The following ANGPT1 variants were observed in gnomAD, a reference collection of about 807,000 sequenced individuals.
ANGPT1 encodes angiopoietin 1, also known as angiopoietin-1.
A neutral mutation model predicts 62.2 loss-of-function variants in ANGPT1; 17 were observed. The observed-to-expected ratio is 0.27, with a 90% confidence interval of 0.19 to 0.41. ANGPT1 has a LOEUF of 0.41. Ranked by LOEUF, ANGPT1 falls within the 10% of genes least tolerant of loss-of-function variation. The pLI is 1.00. For synonymous variants in ANGPT1, 199 were observed against 198.9 expected, an observed-to-expected ratio of 1.00 and a Z score of 0.00; for missense variants, 478 against 594.9, an observed-to-expected ratio of 0.80 and a Z score of 2.04.
At chr8:107,494,473 G>C (rs1180702059) in intron 1 of ANGPT1, 1 of 152,084 alleles carries the variant, frequency 6.6e-6, no homozygotes, top group Non-Finnish European at 1.5e-5. Context: ...AACACACCCA[G>C]GTGTTTCACA....
At chr8:107,323,724 G>A (rs1323111808) in intron 3 of ANGPT1, among the ~76,000 whole-genome samples, 2 of 152,012 alleles carry the variant, frequency 1.3e-5, no homozygotes, top group Admixed American at 1.3e-4. Context: ...TTTATGACAT[G>A]GTTGCTATGT....
At chr8:107,424,172 T>A (rs1184002323) in intron 1 of ANGPT1, among the ~76,000 whole-genome samples, 1 of 138,506 alleles carries the variant, frequency 7.2e-6, no homozygotes, top group African/African-American at 2.6e-5. Flanking sequence ...AAAAAAAAAA[T>A]TCTGCATTGG....
chr8:107,259,031 C>T (rs997393773), intron 8 of ANGPT1, among the ~76,000 whole-genome samples: 2 of 152,086 alleles, frequency 1.3e-5, no homozygotes, highest in Non-Finnish European at 2.9e-5. Flanking sequence ...GCATAAAATC[C>T]CTGCATTCAC....
intron 3 of ANGPT1, among the ~76,000 whole-genome samples, chr8:107,324,215 ATGTG>A (rs71308721): frequency 2.1e-5 from 3 of 144,828 alleles, no homozygotes; most frequent in Non-Finnish European, 4.5e-5. Flanking sequence ...GTATATATAT[ATGTG>A]TGTGTGTGTG....
At chr8:107,284,548 A>T in intron 7 of ANGPT1, 134 bp downstream of exon 7, 1 of 756,372 alleles carries the variant, frequency 1.3e-6, no homozygotes, top group Non-Finnish European at 1.8e-6. Context: ...ACCTCTTTGT[A>T]ATAGGTCTAG....
chr8:107,279,043 G>C (rs1314427058), intron 7 of ANGPT1, among the ~76,000 whole-genome samples: 6 of 152,096 alleles, frequency 3.9e-5, no homozygotes, highest in African/African-American at 1.4e-4. Flanking sequence ...TCCACATCCT[G>C]ATTCCGACTC....
chr8:107,358,054 TTAAA>T lies in ANGPT1; in HGVS notation c.298-10961_298-10958del, dbSNP rs775876905. ...TTAAAATTAATTTTCTTTCATCTGC[TTAAA>T]TAAAGTAAAATAAATGATAAAAGTG... is the stretch of plus-strand genomic sequence containing the variant. On this transcript the variant is annotated intron_variant, in intron 1 of 8. Transcript: ENST00000517746. Among the ~76,000 whole-genome samples the T allele has an allele frequency of 1.5e-3, 229 of 152,284 alleles. 3 individuals are homozygous for T. The Middle Eastern group carries it at 0.017, about 11-fold the overall frequency.
At chr8:107,460,835 T>C (rs1194926081) in intron 1 of ANGPT1, among the ~76,000 whole-genome samples, 3 of 152,196 alleles carry the variant, frequency 2.0e-5, no homozygotes, top group African/African-American at 4.8e-5. Context: ...ACTGTCTGGA[T>C]AGAGTCCAAC....
At chr8:107,394,411 T>C (rs1438795244) in intron 1 of ANGPT1, among the ~76,000 whole-genome samples, 2 of 152,106 alleles carry the variant, frequency 1.3e-5, no homozygotes, top group African/African-American at 2.4e-5. Context: ...CCAGTCTCAG[T>C]TCCAGACAGA....
Position 107,321,983 on chromosome 8 carries a change from T to G in ANGPT1, c.721A>C (p.Thr241Pro). The G allele has an allele frequency of 6.2e-7, 1 of 1,614,064 alleles. No homozygotes were observed. The highest frequency in any genetic ancestry group is 1.1e-5 in the South Asian group (1 of 91,084). ...QELEKQLNRA[T>P]TNNSVLQKQQ... ...TTCTGAAGGACACTGTTGTTGGTGG[T>G]AGCTCTGTTTAATTGCTTTTCCAGC... is the stretch of plus-strand genomic sequence containing the variant. The change falls in exon 4 of 9, where the codon ACC becomes CCC. Residue 241 changes from threonine (T) to proline (P), a missense_variant. Physicochemically the swap from Thr to Pro is conservative, Grantham distance 38 (BLOSUM62 -1). Transcript: ENST00000517746.
At chr8:107,429,274 A>G (rs1811115775) in intron 1 of ANGPT1, among the ~76,000 whole-genome samples, 1 of 152,242 alleles carries the variant, frequency 6.6e-6, no homozygotes, top group Non-Finnish European at 1.5e-5. Context: ...TGAGGCACTC[A>G]TAAGATGAGA....
At chr8:107,480,946 C>T (rs1255310113) in intron 1 of ANGPT1, among the ~76,000 whole-genome samples, 1 of 152,148 alleles carries the variant, frequency 6.6e-6, no homozygotes, top group African/African-American at 2.4e-5. Context: ...AAGCAAAGGC[C>T]ATGGCAATAG....
intron 1 of ANGPT1, among the ~76,000 whole-genome samples, chr8:107,466,210 G>A (rs1002028984): frequency 2.0e-5 from 3 of 151,998 alleles, no homozygotes; most frequent in African/African-American, 7.2e-5. Context: ...TATAAATTAG[G>A]AATACAAGGT....
intron 7 of ANGPT1, among the ~76,000 whole-genome samples, chr8:107,268,174 T>C (rs1586172809): frequency 6.6e-6 from 1 of 152,240 alleles, no homozygotes; most frequent in Non-Finnish European, 1.5e-5. Flanking sequence ...AAGGCCTCAA[T>C]GTTCATTGAC....
In ANGPT1 at chr8:107,251,628, G is replaced by C. The variant is rs540271835; in HGVS notation, c.*227C>G. On this transcript the variant is annotated 3_prime_UTR_variant, in exon 9 of 9. Transcript: ENST00000517746. The stretch of plus-strand genomic sequence containing the variant: ...TTTTTAAAGCCCGACAGTCAGTGGA[G>C]TTTTCTATAGTCGAGCCACGTGAGC... 1.5e-5 allele frequency: 7 copies of C among 481,264 alleles called. No individual in the cohort carries two copies. The East Asian group carries it at 2.3e-4, about 16-fold the overall frequency. 29.8% of individuals were successfully genotyped at this position (481,264 alleles called of 1,614,324 possible). A position where few individuals can be genotyped will look rare whatever the true frequency, so the allele number is the denominator to read the frequency against.
intron 6 of ANGPT1, among the ~76,000 whole-genome samples, chr8:107,291,917 A>C: frequency 6.8e-6 from 1 of 147,220 alleles, no homozygotes; most frequent in Non-Finnish European, 1.5e-5. Context: ...CTTGCCACTT[A>C]ATAGGCAGTC....
At chr8:107,398,240 T>C (rs1816974413) in intron 1 of ANGPT1, among the ~76,000 whole-genome samples, 1 of 152,182 alleles carries the variant, frequency 6.6e-6, no homozygotes, top group Non-Finnish European at 1.5e-5. Context: ...CATTGAAAAT[T>C]GTAAGTTTTA....
chr8:107,270,028 G>T (rs1387068974), intron 7 of ANGPT1, among the ~76,000 whole-genome samples: 1 of 151,900 alleles, frequency 6.6e-6, no homozygotes, highest in East Asian at 1.9e-4. Flanking sequence ...ATGAATATAG[G>T]ACAACAGTGA....
intron 7 of ANGPT1, among the ~76,000 whole-genome samples, chr8:107,281,268 T>C (rs192206990): frequency 1.4e-3 from 207 of 152,218 alleles, no homozygotes; most frequent in African/African-American, 4.8e-3. Flanking sequence ...GTTACAAGAA[T>C]TTTCAAACAA....
Sources: gnomAD v4.1 joint callset for allele counts (sites outside exome capture counted in the v4.1 genomes callset) on GRCh38, gnomAD v4.1.1 for gene constraint, MANE v1.5 for transcripts, NCBI Gene and HGNC (gene_info 2026-07-23, HGNC 2026-07-21) for gene names.